KCND2: variants seen among roughly 807,000 people sequenced by gnomAD.
KCND2 encodes potassium voltage-gated channel subfamily D member 2.
Under a neutral mutation model 54.4 loss-of-function variants are expected in KCND2, and 16 were observed. That is an observed-to-expected ratio of 0.29 (90% CI 0.20 to 0.45). KCND2 has a LOEUF of 0.45. Among genes scored for constraint, KCND2 ranks in the 20% least tolerant of loss-of-function variants. KCND2 has a pLI of 1.00. For missense variants in KCND2, 486 were observed against 824.2 expected (o/e 0.59, Z 5.02); for synonymous variants, 317 against 310.7 (o/e 1.02, Z -0.21).
intron 1 of KCND2, among the ~76,000 whole-genome samples, chr7:120,485,029 G>C (rs1802673604): frequency 6.6e-6 from 1 of 151,928 alleles, no homozygotes; most frequent in Non-Finnish European, 1.5e-5. Flanking sequence ...TGAGACTACA[G>C]GCAGGTGCCA....
At chr7:120,491,203 T>C (rs1442548905) in intron 1 of KCND2, among the ~76,000 whole-genome samples, 1 of 152,098 alleles carries the variant, frequency 6.6e-6, no homozygotes, top group Non-Finnish European at 1.5e-5. Flanking sequence ...TACCAAGTGT[T>C]GGGGTTCACT....
intron 1 of KCND2, among the ~76,000 whole-genome samples, chr7:120,292,455 G>C (rs910274107): frequency 6.6e-6 from 1 of 151,842 alleles, no homozygotes; most frequent in Non-Finnish European, 1.5e-5. Context: ...GATTCTTCAA[G>C]TGGGTAGTTC....
intron 1 of KCND2, among the ~76,000 whole-genome samples, chr7:120,535,866 C>T (rs995388760): frequency 5.9e-5 from 9 of 152,026 alleles, no homozygotes; most frequent in Admixed American, 5.3e-4. Context: ...CTTGCATAGT[C>T]CATAATGCTA....
intron 1 of KCND2, among the ~76,000 whole-genome samples, chr7:120,494,438 C>T (rs1474294878): frequency 6.6e-6 from 1 of 152,056 alleles, no homozygotes; most frequent in Admixed American, 6.6e-5. Flanking sequence ...GGTTGCAGTT[C>T]TACTGAAGAG....
At chr7:120,678,738 G>GTA (rs66483423) in intron 1 of KCND2, among the ~76,000 whole-genome samples, 2,157 of 115,456 alleles carry the variant, frequency 0.019, 22 homozygotes, top group African/African-American at 0.036. Context: ...GTGTGTGAGT[G>GTA]TATATATATA....
intron 1 of KCND2, among the ~76,000 whole-genome samples, chr7:120,521,774 G>A (rs1791696049): frequency 1.3e-5 from 2 of 152,078 alleles, no homozygotes; most frequent in African/African-American, 4.8e-5. Context: ...TATATAGTTT[G>A]TATACATGCA....
chr7:120,381,867 T>C (rs1800921011), intron 1 of KCND2, among the ~76,000 whole-genome samples: 1 of 151,970 alleles, frequency 6.6e-6, no homozygotes, highest in Non-Finnish European at 1.5e-5. Flanking sequence ...TTTTAAGAAA[T>C]GAAAAGGAGA....
chr7:120,563,224 A>G (rs954482186), intron 1 of KCND2, among the ~76,000 whole-genome samples: 4 of 152,212 alleles, frequency 2.6e-5, no homozygotes, highest in African/African-American at 9.7e-5. Flanking sequence ...TATTATAAAG[A>G]ATATGCACAT....
At chr7:120,608,760 C>T (rs1287810104) in intron 1 of KCND2, among the ~76,000 whole-genome samples, 5 of 152,080 alleles carry the variant, frequency 3.3e-5, no homozygotes, top group Non-Finnish European at 4.4e-5. Context: ...CAAAACACCT[C>T]AAACACCTCA....
At chr7:120,621,276 C>CA (rs1175736454) in intron 1 of KCND2, among the ~76,000 whole-genome samples, 1,901 of 47,050 alleles carry the variant, frequency 0.04, 141 homozygotes, top group Non-Finnish European at 0.052. Flanking sequence ...GACTCCGTCT[C>CA]AAAAAAAAAA....
intron 1 of KCND2, among the ~76,000 whole-genome samples, chr7:120,671,457 A>AC (rs1791992719): frequency 1.3e-5 from 2 of 151,950 alleles, no homozygotes; most frequent in Non-Finnish European, 2.9e-5. Context: ...ACGGCCCGGG[A>AC]GGTGGGGACC....
At chr7:120,732,679 T>G (rs1792822514) in intron 1 of KCND2, among the ~76,000 whole-genome samples, 1 of 152,154 alleles carries the variant, frequency 6.6e-6, no homozygotes, top group African/African-American at 2.4e-5. Context: ...TCAAAAAGAT[T>G]ACTTAATGTT....
At chr7:120,399,587 C>A (rs560412360) in intron 1 of KCND2, among the ~76,000 whole-genome samples, 2 of 152,034 alleles carry the variant, frequency 1.3e-5, no homozygotes, top group South Asian at 4.1e-4. Context: ...AAATAGTTAA[C>A]AATAAATAAT....
At chr7:120,587,570 T>C (rs549450460) in intron 1 of KCND2, among the ~76,000 whole-genome samples, 30 of 152,152 alleles carry the variant, frequency 2.0e-4, no homozygotes, top group African/African-American at 6.7e-4. Context: ...AACAGATATA[T>C]CTTTTGGGGA....
rs369947911 is a variant in KCND2, at chr7:120,488,035, CA to C, written c.1115+212298del. 5.5e-3 allele frequency among the ~76,000 whole-genome samples: 815 copies of C among 147,548 alleles called. 7 individuals are homozygous for C. Among genetic ancestry groups the C allele is most frequent in the African/African-American group, 0.019 (776 of 40,326 alleles). On this transcript the variant is annotated intron_variant, in intron 1 of 5. Transcript: ENST00000331113. The stretch of plus-strand genomic sequence containing the variant: ...ATCTATACAAAAAAACAAAACAAAA[CA>C]AAAAAAAAACTGGTTTGGCATGGTG...
intron 1 of KCND2, among the ~76,000 whole-genome samples, chr7:120,349,726 A>G (rs1482540797): frequency 6.6e-6 from 1 of 152,146 alleles, no homozygotes; most frequent in Admixed American, 6.5e-5. Context: ...GATATCTTTT[A>G]TGTGTCACTG....
At chr7:120,492,177 T>C (rs1339924627) in intron 1 of KCND2, among the ~76,000 whole-genome samples, 1 of 151,908 alleles carries the variant, frequency 6.6e-6, no homozygotes. Context: ...AATGAGAAAC[T>C]AGTAAAAAGT....
At chr7:120,280,893 A>C (rs1227762017) in intron 1 of KCND2, among the ~76,000 whole-genome samples, 1 of 152,058 alleles carries the variant, frequency 6.6e-6, no homozygotes, top group Non-Finnish European at 1.5e-5. Context: ...AATGTAGTGC[A>C]TTTCTCCCTT....
chr7:120,494,268 G>A (rs1044316917), intron 1 of KCND2, among the ~76,000 whole-genome samples: 1 of 152,048 alleles, frequency 6.6e-6, no homozygotes, highest in Non-Finnish European at 1.5e-5. Flanking sequence ...TGAGTTTTCT[G>A]ATGTACAGTT....
Sources: allele counts gnomAD v4.1 joint callset (sites outside exome capture counted in the v4.1 genomes callset), GRCh38; gene constraint gnomAD v4.1.1; transcripts MANE v1.5; gene names NCBI Gene and HGNC (gene_info 2026-07-23, HGNC 2026-07-21).